GPR26: variants seen among roughly 807,000 people sequenced by gnomAD.
GPR26 encodes the protein G protein-coupled receptor 26.
Under a neutral mutation model 23.1 loss-of-function variants are expected in GPR26, and 15 were observed. The observed-to-expected ratio is 0.65, with a 90% CI of 0.43 to 1.00. GPR26 has a LOEUF of 1.00. GPR26 is among the 50% of genes least tolerant of loss of function. The probability of loss-of-function intolerance (pLI) is 0.00; values close to 1 mark genes in which losing one functional copy is unlikely to be tolerated. For missense variants in GPR26, 359 were observed against 470.5 expected, an observed-to-expected ratio of 0.76 and a Z score of 2.19; for synonymous variants, 228 against 222.1, an observed-to-expected ratio of 1.03 and a Z score of -0.24.
rs1845556760 is a variant in GPR26, at chr10:123,697,377, C to CAA, written c.*9218_*9219dup. ...AAAAAGTATATATTGTGATTCTGTC[C>CAA]AATAAAGCCTCCTGTTATAAAATCT... On this transcript the variant is annotated 3_prime_UTR_variant, in exon 3 of 3. Coordinates refer to ENST00000284674, the MANE Select transcript of GPR26 (RefSeq NM_153442.4). 6.6e-6 allele frequency among the ~76,000 whole-genome samples: 1 copy of CAA among 152,146 alleles called. No individual in the cohort carries two copies. Among genetic ancestry groups the CAA allele is most frequent in the Non-Finnish European group, 1.5e-5 (1 of 68,026 alleles).
At chr10:123,678,911 G>C (rs897956176) in intron 2 of GPR26, among the ~76,000 whole-genome samples, 1 of 152,218 alleles carries the variant, frequency 6.6e-6, no homozygotes, top group Non-Finnish European at 1.5e-5. Flanking sequence ...TTGAGTCAGG[G>C]TTGAGAAACA....
At chr10:123,675,857 A>AGTGTGTGTGTGTGTGTGTGTGTGT (rs1564731138) in intron 2 of GPR26, among the ~76,000 whole-genome samples, 1 of 45,610 alleles carries the variant, frequency 2.2e-5, no homozygotes, top group African/African-American at 6.6e-5. Flanking sequence ...TGTGTGTGTA[A>AGTGTGTGTGTGTGTGTGTGTGTGT]GAGAGAGAGA....
intron 2 of GPR26, among the ~76,000 whole-genome samples, chr10:123,681,192 T>G (rs1056298429): frequency 6.6e-6 from 1 of 152,158 alleles, no homozygotes; most frequent in Non-Finnish European, 1.5e-5. Context: ...GGTTCCAGCC[T>G]TCCCCAATTC....
intron 1 of GPR26, among the ~76,000 whole-genome samples, chr10:123,672,061 T>A (rs1451326752): frequency 6.6e-6 from 1 of 152,150 alleles, no homozygotes; most frequent in East Asian, 1.9e-4. Flanking sequence ...CTTGCTCACC[T>A]CTTGCCACCT....
At chr10:123,675,847 T>TGTGTGTGTGTGTGTGTGC (rs1845303763) in intron 2 of GPR26, among the ~76,000 whole-genome samples, 1 of 140,832 alleles carries the variant, frequency 7.1e-6, no homozygotes, top group Non-Finnish European at 1.6e-5. Flanking sequence ...TGTGTGTGTG[T>TGTGTGTGTGTGTGTGTGC]GTGTGTGTAA....
intron 2 of GPR26, among the ~76,000 whole-genome samples, chr10:123,676,157 C>T (rs1845308244): frequency 6.6e-6 from 1 of 152,182 alleles, no homozygotes; most frequent in African/African-American, 2.4e-5. Context: ...GGTCTGACTT[C>T]CTGGAGTCCA....
intron 2 of GPR26, among the ~76,000 whole-genome samples, chr10:123,680,614 C>T (rs1340365539): frequency 6.6e-6 from 1 of 152,112 alleles, no homozygotes; most frequent in Non-Finnish European, 1.5e-5. Context: ...AAATAAAAAT[C>T]AAAACCCACC....
At chr10:123,679,784 AT>A (rs1415072777) in intron 2 of GPR26, among the ~76,000 whole-genome samples, 8 of 112,044 alleles carry the variant, frequency 7.1e-5, no homozygotes. Context: ...TGGCTGTGGC[AT>A]TAAAGCCCAT....
chr10:123,666,869 C>T lies in GPR26; in HGVS notation c.462C>T (p.Ala154=), dbSNP rs1001500230. 14 of 1,611,396 alleles carry T rather than the reference C, an allele frequency of 8.7e-6. No homozygotes were observed. Among genetic ancestry groups the T allele is most frequent in the East Asian group, 2.2e-5 (1 of 44,818 alleles). Reference sequence around the variant, plus strand: ...GGCTCGGCTTCCACCAGCTGTACGCCTCGTGCACGCTGTGCAGCCGGCGGC... The same window carrying T: ...GGCTCGGCTTCCACCAGCTGTACGCTTCGTGCACGCTGTGCAGCCGGCGGC... ...LSWLGFHQLY[A]SCTLCSRRPD... is the part of the protein sequence containing the mutation. Residue 154 remains alanine, a synonymous_variant, in exon 1 of 3, where the codon GCC becomes GCT. Coordinates refer to ENST00000284674, the MANE Select transcript of GPR26 (RefSeq NM_153442.4).
chr10:123,687,186 G>A (rs541573147), intron 2 of GPR26, among the ~76,000 whole-genome samples: 1 of 152,006 alleles, frequency 6.6e-6, no homozygotes, highest in Non-Finnish European at 1.5e-5. Flanking sequence ...ACCTGACCGC[G>A]GCTATTGTCA....
Position 123,666,749 on chromosome 10 carries a change from C to T in GPR26, c.342C>T (p.Tyr114=). ...RWVAVVFPLS[Y]RAKMRLRDAA... ...TGGCCGTGGTCTTCCCGCTGAGCTA[C>T]CGGGCCAAGATGCGCCTCCGCGACG... Residue 114 remains tyrosine (Y), a synonymous_variant, in exon 1 of 3, where the codon TAC becomes TAT. Transcript: ENST00000284674. 2 of 1,599,838 alleles carry T rather than the reference C, an allele frequency of 1.3e-6. No individual in the cohort carries two copies. The highest frequency in any genetic ancestry group is 2.2e-5 in the East Asian group (1 of 44,516).
rs71026066 is a variant in GPR26, at chr10:123,667,561, C to CTGTGTGTGTG, written c.668+517_668+526dup. 4.9e-3 allele frequency among the ~76,000 whole-genome samples: 616 copies of CTGTGTGTGTG among 125,072 alleles called. 10 individuals are homozygous for CTGTGTGTGTG. Among genetic ancestry groups the CTGTGTGTGTG allele is most frequent in the East Asian group, 0.022 (88 of 4,024 alleles). The allele number at this position is 125,072 out of a possible 152,430, so 82.1% of individuals were successfully genotyped here. On this transcript the variant is annotated intron_variant, in intron 1 of 2. Transcript: ENST00000284674. ...GTGTGGCGCTGCCTCTGTCTCACGA[C>CTGTGTGTGTG]TGTGTGTGTGTGTGTGTGTGTGTGT...
chr10:123,674,587 A>C lies in GPR26; in HGVS notation c.669-231A>C, dbSNP rs1347933287. Reference sequence around the variant, plus strand: ...CATTTTATTACATTATGTGTAATACACTAAAATATATGATGCATATTATTA... The same window carrying C: ...CATTTTATTACATTATGTGTAATACCCTAAAATATATGATGCATATTATTA... On this transcript the variant is annotated intron_variant, in intron 1 of 2. Coordinates refer to ENST00000284674, the MANE Select transcript of GPR26 (RefSeq NM_153442.4). This position sits in a 1 kb window ranked among gnomAD's most constrained non-coding sequence, Gnocchi z 4.1. Among the ~76,000 whole-genome samples the C allele has an allele frequency of 6.6e-6, 1 of 152,202 alleles. No homozygotes were observed. Among genetic ancestry groups the C allele is most frequent in the Non-Finnish European group, 1.5e-5 (1 of 68,046 alleles).
chr10:123,667,442 T>C (rs1845199627), intron 1 of GPR26, among the ~76,000 whole-genome samples: 1 of 152,110 alleles, frequency 6.6e-6, no homozygotes, highest in Non-Finnish European at 1.5e-5. Context: ...AGTGTTTGAT[T>C]CTGGCCGAGA....
chr10:123,675,515 C>T (rs949265621), intron 2 of GPR26, among the ~76,000 whole-genome samples: 4 of 152,266 alleles, frequency 2.6e-5, no homozygotes, highest in African/African-American at 9.6e-5. Context: ...TCCAGATCCT[C>T]GAGCCAGCCA....
chr10:123,671,164 T>A (rs538598387), intron 1 of GPR26, among the ~76,000 whole-genome samples: 3 of 152,352 alleles, frequency 2.0e-5, no homozygotes, highest in Non-Finnish European at 4.4e-5. Context: ...CTAGGGATCC[T>A]TCAGGACCCT....
chr10:123,696,910 C>T lies in GPR26; in HGVS notation c.*8750C>T, dbSNP rs1257319880. 6.6e-6 allele frequency among the ~76,000 whole-genome samples: 1 copy of T among 151,586 alleles called. No individual in the cohort carries two copies. Among genetic ancestry groups the T allele is most frequent in the Admixed American group, 6.6e-5 (1 of 15,236 alleles). On this transcript the variant is annotated 3_prime_UTR_variant, in exon 3 of 3. Transcript: ENST00000284674. ...ATGCATACGGGTGAATGTTTGTGTG[C>T]CCATGAGTATATGCATATGGGTATA...
In GPR26 at chr10:123,675,098, C is replaced by T. The variant is rs913674299; in HGVS notation, c.782+167C>T. ...GTGAACAGGAGGCTGCTTGCTTTTC[C>T]TCTCCACCCTCGAATTCTTTTGGAT... On this transcript the variant is annotated intron_variant, in intron 2 of 2. Transcript: ENST00000284674. 5.3e-5 allele frequency among the ~76,000 whole-genome samples: 8 copies of T among 152,140 alleles called. No individual in the cohort carries two copies. The South Asian group carries it at 1.5e-3, about 28-fold the overall frequency.
At position 123,666,947 on chromosome 10, in the gene GPR26, C is replaced by T; in HGVS notation, c.540C>T (p.Ser180=). The change falls in exon 1 of 3, where the codon AGC becomes AGT. Residue 180 remains serine, a synonymous_variant. Coordinates refer to ENST00000284674, the MANE Select transcript of GPR26 (RefSeq NM_153442.4). ...TCACTGGCGCCTTCCACGCTCTCAG[C>T]TTCCTGCTCTCCTTCGTCGTGCTCT... ...AVFTGAFHAL[S]FLLSFVVLCC... 1 of 1,613,818 alleles carries T rather than the reference C, an allele frequency of 6.2e-7. No homozygotes were observed. The highest frequency in any genetic ancestry group is 8.5e-7 in the Non-Finnish European group (1 of 1,179,990).
Sources: allele counts gnomAD v4.1 joint callset (sites outside exome capture counted in the v4.1 genomes callset), GRCh38; gene constraint gnomAD v4.1.1; non-coding constraint Gnocchi (gnomAD v3.1); transcripts MANE v1.5; gene names NCBI Gene and HGNC (gene_info 2026-07-23, HGNC 2026-07-21).